ADAMTS3: variants seen among roughly 807,000 people sequenced by gnomAD.
ADAMTS3 encodes the protein A disintegrin and metalloproteinase with thrombospondin motifs 3.
ADAMTS3 carries 73 observed loss-of-function variants against 129.0 expected under a neutral mutation model. That is an observed-to-expected ratio of 0.57 (90% confidence interval 0.47 to 0.69). ADAMTS3 has a LOEUF of 0.69. Ranked by LOEUF, ADAMTS3 falls within the 30% of genes least tolerant of loss-of-function variation. The pLI is 0.00. For synonymous variants in ADAMTS3, 477 were observed against 510.8 expected, an observed-to-expected ratio of 0.93 and a Z score of 0.89; for missense variants, 1,457 against 1,514.5, an observed-to-expected ratio of 0.96 and a Z score of 0.63.
At chr4:72,538,308 G>A (rs1721232511) in intron 3 of ADAMTS3, among the ~76,000 whole-genome samples, 1 of 152,128 alleles carries the variant, frequency 6.6e-6, no homozygotes, top group Non-Finnish European at 1.5e-5. Flanking sequence ...CAAGTAGCAT[G>A]AATTCAAAGA....
chr4:72,310,335 G>A (rs1266601501), intron 14 of ADAMTS3, among the ~76,000 whole-genome samples: 1 of 151,964 alleles, frequency 6.6e-6, no homozygotes, highest in South Asian at 2.1e-4. Context: ...CAACACATAC[G>A]TTTAATGTAC....
At chr4:72,422,954 G>A (rs184239549) in intron 3 of ADAMTS3, among the ~76,000 whole-genome samples, 4 of 152,188 alleles carry the variant, frequency 2.6e-5, no homozygotes, top group Admixed American at 2.0e-4. Flanking sequence ...ACTAAATTGT[G>A]TTTAAGACAA....
Position 72,283,508 on chromosome 4 carries a change from A to G in ADAMTS3, c.3246T>C (p.Ser1082=), listed in dbSNP as rs763033010. The stretch of plus-strand genomic sequence containing the variant: ...GAACCAAAGATGTAGGCATCACTAG[A>G]GATCTAGGGAGGTCACTAGGGTTAG... The part of the protein sequence containing the change: ...VISNPSDLPR[S]LVMPTSLVPY... Residue 1082 remains serine, a synonymous_variant, in exon 22 of 22, where the codon TCT becomes TCC. Transcript: ENST00000286657. The G allele has an allele frequency of 6.2e-6, 10 of 1,614,052 alleles. No homozygotes were observed. The highest frequency in any genetic ancestry group is 8.5e-6 in the Non-Finnish European group (10 of 1,179,960).
At chr4:72,440,806 C>T (rs1718093781) in intron 3 of ADAMTS3, among the ~76,000 whole-genome samples, 1 of 151,718 alleles carries the variant, frequency 6.6e-6, no homozygotes, top group South Asian at 2.1e-4. Flanking sequence ...TTCAATAAGT[C>T]CCGTGGGAGT....
At chr4:72,462,267 A>G (rs1169083398) in intron 3 of ADAMTS3, among the ~76,000 whole-genome samples, 1 of 151,970 alleles carries the variant, frequency 6.6e-6, no homozygotes, top group East Asian at 1.9e-4. Flanking sequence ...TCACGAGATT[A>G]TCAACATCTA....
At chr4:72,318,766 TA>T (rs1719469043) in intron 9 of ADAMTS3, 62 bp from the exon 10 acceptor site, 26 of 1,507,480 alleles carry the variant, frequency 1.7e-5, no homozygotes, top group South Asian at 6.1e-5. Flanking sequence ...TGTCCTGATT[TA>T]AAAAAAAGTA....
chr4:72,546,261 T>C (rs1337738395), intron 3 of ADAMTS3, among the ~76,000 whole-genome samples: 3 of 152,048 alleles, frequency 2.0e-5, no homozygotes, highest in African/African-American at 7.2e-5. Flanking sequence ...ACCTCAAGCT[T>C]CCAAGAACCC....
chr4:72,346,689 G>A (rs915790097), intron 4 of ADAMTS3, among the ~76,000 whole-genome samples: 1 of 152,064 alleles, frequency 6.6e-6, no homozygotes, highest in Non-Finnish European at 1.5e-5. Context: ...CACAGATATT[G>A]CATGAGACAT....
rs1560462930 is a variant in ADAMTS3, at chr4:72,298,319, C to T, written c.2548G>A (p.Ala850Thr). The part of the protein sequence containing the change: ...IQEELDTFEW[A>T]LKSWSQCSKP... ...GAACACTGAGACCAGCTCTTCAAAG[C>T]CCACTCAAAAGTATCTAATTCTTCC... The change falls in exon 18 of 22, where the codon GCT becomes ACT. Residue 850 changes from alanine to threonine, a missense_variant. Coordinates refer to ENST00000286657, the MANE Select transcript of ADAMTS3 (RefSeq NM_014243.3). 2 of 1,613,040 alleles carry T rather than the reference C, an allele frequency of 1.2e-6. No homozygotes were observed. The highest frequency in any genetic ancestry group is 1.7e-6 in the Non-Finnish European group (2 of 1,179,276).
At chr4:72,504,122 G>A (rs1029676670) in intron 3 of ADAMTS3, among the ~76,000 whole-genome samples, 1 of 152,078 alleles carries the variant, frequency 6.6e-6, no homozygotes, top group Admixed American at 6.6e-5. Flanking sequence ...AGGTTTTGAT[G>A]CTATCATGAA....
chr4:72,407,389 C>A (rs1050912198), intron 4 of ADAMTS3, among the ~76,000 whole-genome samples: 1 of 152,150 alleles, frequency 6.6e-6, no homozygotes, highest in Admixed American at 6.6e-5. Flanking sequence ...ATTTGTTTCA[C>A]CTTTTGGTGA....
intron 2 of ADAMTS3, among the ~76,000 whole-genome samples, chr4:72,550,092 A>C (rs76377929): frequency 1.2e-5 from 1 of 80,174 alleles, no homozygotes; most frequent in Admixed American, 1.1e-4. Flanking sequence ...GAAGAAGAAG[A>C]AGAAGAAGAA....
At chr4:72,324,687 A>G (rs1719655742) in intron 5 of ADAMTS3, among the ~76,000 whole-genome samples, 1 of 152,204 alleles carries the variant, frequency 6.6e-6, no homozygotes, top group Non-Finnish European at 1.5e-5. Context: ...CTTGGATTGC[A>G]TAAGTGTGCA....
chr4:72,565,140 T>G (rs1281970475), intron 2 of ADAMTS3, among the ~76,000 whole-genome samples: 2 of 152,216 alleles, frequency 1.3e-5, no homozygotes, highest in African/African-American at 2.4e-5. Flanking sequence ...ATTTTTAAAA[T>G]TTAGTTTCTT....
chr4:72,442,880 T>C (rs1240519578), intron 3 of ADAMTS3, among the ~76,000 whole-genome samples: 1 of 151,772 alleles, frequency 6.6e-6, no homozygotes, highest in African/African-American at 2.4e-5. Flanking sequence ...GGGTGACAGA[T>C]ATCCTTGAGT....
intron 3 of ADAMTS3, among the ~76,000 whole-genome samples, chr4:72,526,757 T>TAC (rs1560551524): frequency 1.2e-5 from 1 of 82,024 alleles, no homozygotes; most frequent in African/African-American, 4.4e-5. Flanking sequence ...TATATATATA[T>TAC]ATATATATAT....
rs1207326647 is a variant in ADAMTS3, at chr4:72,555,410, C to T, written c.98-6526G>A. The stretch of plus-strand genomic sequence containing the variant: ...TAGAGGATCACTGTTTTCTCTCCAC[C>T]AAGGCAAACTGAATGGGGCCGCCAA... On this transcript the variant is annotated intron_variant, in intron 2 of 21. Coordinates refer to ENST00000286657, the MANE Select transcript of ADAMTS3 (RefSeq NM_014243.3). Among the ~76,000 whole-genome samples, 5 of 151,734 alleles carry T rather than the reference C, an allele frequency of 3.3e-5. 1 individual carries two copies. The highest frequency in any genetic ancestry group is 4.9e-5 in the African/African-American group (2 of 41,040).
chr4:72,520,808 C>T (rs1304528276), intron 3 of ADAMTS3, among the ~76,000 whole-genome samples: 1 of 152,058 alleles, frequency 6.6e-6, no homozygotes, highest in African/African-American at 2.4e-5. Flanking sequence ...TGAGGCAATG[C>T]CTCCCCTTGC....
Position 72,304,074 on chromosome 4 carries a change from T to C in ADAMTS3, c.2267A>G (p.Lys756Arg). The C allele has an allele frequency of 6.2e-7, 1 of 1,613,194 alleles. No individual in the cohort carries two copies. The highest frequency in any genetic ancestry group is 1.1e-5 in the South Asian group (1 of 90,956). Reference protein sequence around the residue: ...DEASPHILAIKNQATGHYILN... With the variant: ...DEASPHILAIRNQATGHYILN... ...AATATAATGGCCTGTAGCCTGGTTCTTAATAGCTAAAGGGAGAAAAATGAG... is the reference window on the plus strand; with the variant it reads ...AATATAATGGCCTGTAGCCTGGTTCCTAATAGCTAAAGGGAGAAAAATGAG... The change falls in exon 17 of 22, where the codon AAG (lysine) becomes AGG (arginine). Residue 756 changes from lysine to arginine, a missense_variant. By Grantham distance (26) the Lys-to-Arg change is conservative. Transcript: ENST00000286657.
Sources: gnomAD v4.1 joint callset for allele counts (sites outside exome capture counted in the v4.1 genomes callset) on GRCh38, gnomAD v4.1.1 for gene constraint, MANE v1.5 for transcripts, NCBI Gene and HGNC (gene_info 2026-07-23, HGNC 2026-07-21) for gene names.